Variants in POLR3G observed in about 807,000 individuals in gnomAD.
The protein encoded by POLR3G is RNA polymerase III subunit G.
A neutral mutation model predicts 30.1 loss-of-function variants in POLR3G; 28 were observed. The ratio of observed to expected loss-of-function variants is 0.93; its 90% CI spans 0.69 to 1.27. The LOEUF (loss-of-function observed/expected upper bound fraction) is 1.27. Among genes scored for constraint, POLR3G ranks in the 50% most tolerant of loss-of-function variants. The pLI is 0.00. For missense variants in POLR3G, 254 were observed against 264.6 expected, an observed-to-expected ratio of 0.96 and a Z score of 0.28; for synonymous variants, 79 against 82.5, an observed-to-expected ratio of 0.96 and a Z score of 0.23.
intron 2 of POLR3G, among the ~76,000 whole-genome samples, chr5:90,487,004 C>T (rs922271763): frequency 4.5e-4 from 68 of 152,236 alleles, no homozygotes; most frequent in African/African-American, 1.6e-3. Flanking sequence ...TTACTAGGTA[C>T]CCTGGAGATC....
intron 7 of POLR3G, among the ~76,000 whole-genome samples, chr5:90,510,081 G>A (rs899671497): frequency 6.6e-6 from 1 of 152,124 alleles, no homozygotes; most frequent in African/African-American, 2.4e-5. Flanking sequence ...GGGTGGTGGT[G>A]CTATAGGTTC....
At chr5:90,492,877 AG>A (rs1433753529) in intron 3 of POLR3G, among the ~76,000 whole-genome samples, 2,647 of 148,190 alleles carry the variant, frequency 0.018, 68 homozygotes, top group African/African-American at 0.062. Flanking sequence ...AAAAAAAAAA[AG>A]TATGAGACAT....
intron 2 of POLR3G, 33 bp downstream of exon 2, chr5:90,485,717 T>C: frequency 6.8e-7 from 1 of 1,470,230 alleles, no homozygotes; most frequent in Non-Finnish European, 9.4e-7. Flanking sequence ...TCTCATAGTG[T>C]GTTTTTTCAT....
intron 3 of POLR3G, among the ~76,000 whole-genome samples, chr5:90,492,876 AAG>A (rs1373367582): frequency 3.3e-5 from 5 of 152,024 alleles, no homozygotes; most frequent in African/African-American, 1.2e-4. Context: ...AAAAAAAAAA[AAG>A]TATGAGACAT....
intron 1 of POLR3G, among the ~76,000 whole-genome samples, chr5:90,484,280 A>C (rs780835762): frequency 3.3e-5 from 5 of 152,170 alleles, no homozygotes; most frequent in Non-Finnish European, 7.3e-5. Context: ...GTTCTGAGTG[A>C]TGCTGCTGCA....
intron 4 of POLR3G, among the ~76,000 whole-genome samples, chr5:90,496,847 A>G (rs1342757683): frequency 6.6e-6 from 1 of 152,120 alleles, no homozygotes; most frequent in Non-Finnish European, 1.5e-5. Context: ...TAGGTCTCTC[A>G]TTTCTTCCGT....
chr5:90,512,889 C>A lies in POLR3G; in HGVS notation c.*750C>A, dbSNP rs1352597380. ...GGGCTTATGAAAAATTTGACTAAGA[C>A]ATTTTATTTTATACTTTATGTAAAT... On this transcript the variant is annotated 3_prime_UTR_variant, in exon 8 of 8. Transcript: ENST00000651687. The A allele has an allele frequency of 6.6e-6, 1 of 152,052 alleles. No individual in the cohort carries two copies. Among genetic ancestry groups the A allele is most frequent in the Non-Finnish European group, 1.5e-5 (1 of 67,954 alleles). The allele number at this position is 152,052 out of a possible 1,614,324, so 9.4% of individuals were successfully genotyped here. A position where few individuals can be genotyped will look rare whatever the true frequency, so the allele number is the denominator to read the frequency against.
At position 90,502,294 on chromosome 5, in the gene POLR3G, A is replaced by G. The variant is rs1205966799; in HGVS notation, c.438+306A>G. The G allele has an allele frequency of 4.1e-6, 4 of 966,836 alleles. No individual in the cohort carries two copies. The Admixed American group carries it at 2.5e-4, about 60-fold the overall frequency. 59.9% of individuals were successfully genotyped at this position (966,836 alleles called of 1,614,324 possible). A position where few individuals can be genotyped will look rare whatever the true frequency, so the allele number is the denominator to read the frequency against. On this transcript the variant is annotated intron_variant, in intron 6 of 7. Transcript: ENST00000651687. ...CATGCAGGCAGAGAGAAACATGAAC[A>G]AGTTTTAAAAAGAGTTACATATGTA... is the stretch of plus-strand genomic sequence containing the variant.
chr5:90,484,773 A>C (rs952471750), intron 1 of POLR3G, among the ~76,000 whole-genome samples: 4 of 152,180 alleles, frequency 2.6e-5, no homozygotes, highest in African/African-American at 9.7e-5. Flanking sequence ...TATTATCAGC[A>C]GGGAAAGAAA....
Position 90,501,936 on chromosome 5 carries a change from C to T in POLR3G, c.386C>T (p.Ala129Val), listed in dbSNP as rs948228132. 6.2e-7 allele frequency: 1 copy of T among 1,613,438 alleles called. No homozygotes were observed. Residue 129 changes from alanine to valine, a missense_variant, in exon 6 of 8, where the codon GCA becomes GTA. Coordinates refer to ENST00000651687, the MANE Select transcript of POLR3G (RefSeq NM_006467.3). ...CCAAAACCCAAAAAGGCAAAAGACG[C>T]AGGCAAAGGCACACCACTCACTAAT... ...AGPKPKKAKD[A>V]GKGTPLTNTE...
intron 7 of POLR3G, among the ~76,000 whole-genome samples, chr5:90,511,123 C>T (rs576444544): frequency 2.2e-4 from 34 of 152,144 alleles, no homozygotes; most frequent in Non-Finnish European, 4.6e-4. Context: ...TCCCTGTCCA[C>T]CCATCCCATT....
chr5:90,483,399 T>C (rs1751248290), intron 1 of POLR3G, among the ~76,000 whole-genome samples: 1 of 152,124 alleles, frequency 6.6e-6, no homozygotes, highest in Non-Finnish European at 1.5e-5. Context: ...GCATTCTACT[T>C]GAGTAATTCA....
At chr5:90,492,733 T>G (rs1437949097) in intron 3 of POLR3G, among the ~76,000 whole-genome samples, 1 of 151,674 alleles carries the variant, frequency 6.6e-6, no homozygotes, top group Non-Finnish European at 1.5e-5. Context: ...ATACAAAAAA[T>G]TAGCCAGGCG....
intron 2 of POLR3G, among the ~76,000 whole-genome samples, chr5:90,487,346 C>A (rs1281678669): frequency 2.9e-5 from 4 of 136,962 alleles, no homozygotes; most frequent in Non-Finnish European, 6.2e-5. Flanking sequence ...CATTTGGGTA[C>A]CTTAGTTTTT....
intron 1 of POLR3G, among the ~76,000 whole-genome samples, chr5:90,478,995 C>G (rs1002244683): frequency 7.2e-5 from 5 of 69,930 alleles, no homozygotes; most frequent in Admixed American, 5.3e-4. Flanking sequence ...CAGCCAGGTC[C>G]CACTCAAAGA....
intron 6 of POLR3G, among the ~76,000 whole-genome samples, chr5:90,505,933 TAGA>T (rs1752460640): frequency 6.6e-6 from 1 of 152,100 alleles, no homozygotes. Flanking sequence ...TCAAATATTT[TAGA>T]AGGAGGTAAG....
chr5:90,486,720 T>TCAGTCATTTTTCCTTTA, intron 2 of POLR3G, among the ~76,000 whole-genome samples: 1 of 152,342 alleles, frequency 6.6e-6, no homozygotes, highest in East Asian at 1.9e-4. Context: ...CCATGCACTG[T>TCAGTCATTTTTCCTTTA]CAGTCATTTT....
At chr5:90,488,645 T>C (rs1356267075) in intron 3 of POLR3G, among the ~76,000 whole-genome samples, 2 of 152,194 alleles carry the variant, frequency 1.3e-5, no homozygotes, top group African/African-American at 4.8e-5. Context: ...AATATTATTT[T>C]CAGTTTTTTG....
chr5:90,506,712 G>A (rs1224176238), intron 7 of POLR3G, 38 bp downstream of exon 7: 1 of 1,562,462 alleles, frequency 6.4e-7, no homozygotes, highest in South Asian at 1.2e-5. Flanking sequence ...AAATTAATAA[G>A]GTTTATCTAA....
Sources: allele counts gnomAD v4.1 joint callset (sites outside exome capture counted in the v4.1 genomes callset), GRCh38; gene constraint gnomAD v4.1.1; transcripts MANE v1.5; gene names NCBI Gene and HGNC (gene_info 2026-07-23, HGNC 2026-07-21).